The following HOMER2 variants were observed in gnomAD, a reference collection of about 807,000 sequenced individuals.
HOMER2 encodes homer scaffold protein 2.
In HOMER2, 27 loss-of-function variants were observed where a neutral mutation model predicts 47.0. That is an observed-to-expected ratio of 0.57 (90% CI 0.42 to 0.79). The LOEUF is 0.79. HOMER2 is among the 30% of genes least tolerant of loss of function. The pLI, the probability that HOMER2 is intolerant of heterozygous loss-of-function variation, is 0.00. For synonymous variants in HOMER2, 161 were observed against 163.8 expected (o/e 0.98, Z 0.13); for missense variants, 443 against 435.0 (o/e 1.02, Z -0.16).
chr15:82,968,212 C>CA (rs1416723184), intron 1 of HOMER2, among the ~76,000 whole-genome samples: 8 of 152,100 alleles, frequency 5.3e-5, no homozygotes, highest in Non-Finnish European at 1.2e-4. Flanking sequence ...ATTTTAACCA[C>CA]AGCGGAATTT....
downstream of HOMER2, among the ~76,000 whole-genome samples, chr15:82,848,111 TCCCAAA>T (rs1421019044): frequency 1.3e-5 from 2 of 151,904 alleles, no homozygotes; most frequent in Non-Finnish European, 2.9e-5. Flanking sequence ...TCCATCCACA[TCCCAAA>T]CAAGACTCCC....
intron 3 of HOMER2, among the ~76,000 whole-genome samples, chr15:82,868,541 A>ATATATATTTTTTTTT: frequency 1.4e-5 from 1 of 71,284 alleles, no homozygotes; most frequent in Non-Finnish European, 2.8e-5. Flanking sequence ...ATATATATAT[A>ATATATATTTTTTTTT]TTTTTTTTTT....
chr15:82,976,297 T>G (rs1267656936), intron 1 of HOMER2, among the ~76,000 whole-genome samples: 1 of 151,982 alleles, frequency 6.6e-6, no homozygotes, highest in African/African-American at 2.4e-5. Context: ...ATTTATTTAT[T>G]TATTTATTTA....
At chr15:82,952,499 G>A in intron 1 of HOMER2, 32 bp downstream of exon 1, 9 of 1,184,434 alleles carry the variant, frequency 7.6e-6, no homozygotes, top group Non-Finnish European at 9.4e-6. Flanking sequence ...CCGGAGGGGC[G>A]CGCGGAGAGC....
At chr15:82,958,755 T>G (rs2054606151) in exon 2 of HOMER2, 2 of 152,528 alleles carry the variant, frequency 1.3e-5, no homozygotes. Flanking sequence ...CCTGGGAAGC[T>G]GCAGCTGCTG....
At chr15:82,965,833 G>A (rs555445463) in intron 1 of HOMER2, among the ~76,000 whole-genome samples, 1 of 151,844 alleles carries the variant, frequency 6.6e-6, no homozygotes. Flanking sequence ...GGTAGCTCAG[G>A]CCTGTAATTC....
rs146086532 is a variant in HOMER2, at chr15:82,969,687, T to C, written n.83-10379A>G. 1.2e-4 allele frequency among the ~76,000 whole-genome samples: 18 copies of C among 152,326 alleles called. No individual in the cohort carries two copies. In the East Asian group the frequency reaches 1.4e-3, roughly 11 times the overall value. On this transcript the variant is annotated intron_variant and non_coding_transcript_variant, in intron 1 of 1. Transcript: ENST00000500334. ...ATCTAAGTGCATACAGTAAATGAGA[T>C]AGGTAAGACATGGAGCCAGACGTTT...
intron 4 of HOMER2, among the ~76,000 whole-genome samples, chr15:82,862,422 G>T (rs74028601): frequency 1.7e-3 from 252 of 152,352 alleles, no homozygotes; most frequent in African/African-American, 5.9e-3. Flanking sequence ...GAGCCCAGGG[G>T]CAGCACAGCA....
chr15:82,919,117 G>T (rs1177404953), intron 1 of HOMER2, among the ~76,000 whole-genome samples: 2 of 152,204 alleles, frequency 1.3e-5, no homozygotes, highest in Non-Finnish European at 2.9e-5. Flanking sequence ...CCTAGGTGCT[G>T]TAAACATATT....
intron 8 of HOMER2, among the ~76,000 whole-genome samples, chr15:82,850,191 T>C (rs1297742688): frequency 6.6e-6 from 1 of 152,264 alleles, no homozygotes; most frequent in Non-Finnish European, 1.5e-5. Flanking sequence ...CGCAGAGTCC[T>C]GCCTGAGGGA....
At chr15:82,973,753 G>C (rs2030094837) in intron 1 of HOMER2, among the ~76,000 whole-genome samples, 1 of 152,172 alleles carries the variant, frequency 6.6e-6, no homozygotes, top group African/African-American at 2.4e-5. Context: ...AAGTCACTCA[G>C]GTCATCTGCA....
intron 2 of HOMER2, among the ~76,000 whole-genome samples, chr15:82,876,370 C>T (rs1438764133): frequency 6.6e-6 from 1 of 152,198 alleles, no homozygotes; most frequent in Non-Finnish European, 1.5e-5. Flanking sequence ...ATACACCAGA[C>T]ATTCTGCTAA....
At chr15:82,922,169 C>A (rs1395582892) in intron 1 of HOMER2, among the ~76,000 whole-genome samples, 1 of 152,160 alleles carries the variant, frequency 6.6e-6, no homozygotes, top group Non-Finnish European at 1.5e-5. Flanking sequence ...ACCCCACCTC[C>A]AACACTGAAA....
chr15:82,974,840 C>G (rs764633703), intron 1 of HOMER2, among the ~76,000 whole-genome samples: 9 of 152,222 alleles, frequency 5.9e-5, no homozygotes, highest in Non-Finnish European at 1.3e-4. Flanking sequence ...GAGGCCGAGG[C>G]AGGTGGATCG....
intron 1 of HOMER2, among the ~76,000 whole-genome samples, chr15:82,982,485 G>A (rs2030426035): frequency 6.6e-6 from 1 of 152,166 alleles, no homozygotes; most frequent in African/African-American, 2.4e-5. Flanking sequence ...AACTCTCAGA[G>A]GCCTAGAGGC....
rs955824789 is a variant in HOMER2 at position 82,913,866 on chromosome 15, A to G, written c.6-21025T>C. ...ATACAGCATTTCCACGTGGCCCTGCAATTCTTCTAGGTATATACCCAAAAG... is the reference window on the plus strand; with the variant it reads ...ATACAGCATTTCCACGTGGCCCTGCGATTCTTCTAGGTATATACCCAAAAG... On this transcript the variant is annotated intron_variant, in intron 1 of 8. Coordinates refer to ENST00000450735, the MANE Select transcript of HOMER2 (RefSeq NM_004839.4). This position sits in a 1 kb window ranked among gnomAD's most constrained non-coding sequence, Gnocchi z 4.1. Among the ~76,000 whole-genome samples, 9 of 152,124 alleles carry G rather than the reference A, an allele frequency of 5.9e-5. No homozygotes were observed. Among genetic ancestry groups the G allele is most frequent in the Non-Finnish European group, 1.0e-4 (7 of 68,020 alleles).
chr15:82,952,104 T>A (rs867779337), intron 1 of HOMER2: 3 of 945,672 alleles, frequency 3.2e-6, no homozygotes, highest in Non-Finnish European at 3.8e-6. Flanking sequence ...ATTTGATTAT[T>A]TCCAGGAAAA....
At chr15:82,894,540 G>A (rs541709553) in intron 1 of HOMER2, among the ~76,000 whole-genome samples, 35 of 151,932 alleles carry the variant, frequency 2.3e-4, no homozygotes, top group Middle Eastern at 3.4e-3. Context: ...GCATGGTGGC[G>A]GGTGCCTGTA....
chr15:82,882,879 TG>T (rs1476976097), intron 2 of HOMER2, among the ~76,000 whole-genome samples: 1 of 52,658 alleles, frequency 1.9e-5, no homozygotes, highest in Non-Finnish European at 3.7e-5. Context: ...CACCAGCCAC[TG>T]CTTTTTTTTT....
Sources: gnomAD v4.1 joint callset for allele counts (sites outside exome capture counted in the v4.1 genomes callset) on GRCh38, gnomAD v4.1.1 for gene constraint, Gnocchi (gnomAD v3.1) non-coding constraint, MANE v1.5 for transcripts, NCBI Gene and HGNC (gene_info 2026-07-23, HGNC 2026-07-21) for gene names.